DNAH12: variants seen among roughly 807,000 people sequenced by gnomAD.
DNAH12 encodes dynein axonemal heavy chain 12.
A neutral mutation model predicts 371.5 loss-of-function variants in DNAH12; 285 were observed. The ratio of observed to expected loss-of-function variants is 0.77; its 90% CI spans 0.70 to 0.85. The LOEUF is 0.85. Ranked by LOEUF, DNAH12 falls within the 40% of genes least tolerant of loss-of-function variation. The pLI is 0.00. For missense variants in DNAH12, 3,611 were observed against 3,689.4 expected (o/e 0.98, Z 0.55); for synonymous variants, 1,200 against 1,213.0 (o/e 0.99, Z 0.22).
chr3:57,423,135 C>T (rs2064644843), intron 35 of DNAH12, among the ~76,000 whole-genome samples: 1 of 152,112 alleles, frequency 6.6e-6, no homozygotes, highest in Non-Finnish European at 1.5e-5. Flanking sequence ...CATGCCTTAT[C>T]AAGTCCAAAA....
At chr3:57,490,155 A>T (rs2067068850) in intron 11 of DNAH12, among the ~76,000 whole-genome samples, 1 of 152,086 alleles carries the variant, frequency 6.6e-6, no homozygotes, top group Non-Finnish European at 1.5e-5. Flanking sequence ...ATATATAAGG[A>T]ACTTATTGGT....
chr3:57,422,222 T>C (rs1303778541), intron 35 of DNAH12, among the ~76,000 whole-genome samples: 1 of 147,688 alleles, frequency 6.8e-6, no homozygotes, highest in African/African-American at 2.6e-5. Flanking sequence ...CCAATATCTA[T>C]CAAAAAAAAT....
At chr3:57,394,686 G>A (rs1251584033) in intron 43 of DNAH12, among the ~76,000 whole-genome samples, 2 of 152,206 alleles carry the variant, frequency 1.3e-5, no homozygotes, top group African/African-American at 4.8e-5. Context: ...TAAATTACTT[G>A]GAGCTAACTG....
intron 28 of DNAH12, 58 bp from the exon 29 acceptor site, chr3:57,444,874 T>G: frequency 6.6e-7 from 1 of 1,511,106 alleles, no homozygotes; most frequent in Non-Finnish European, 8.9e-7. Flanking sequence ...CAACCCCACT[T>G]CTCCCTCCCC....
intron 4 of DNAH12, among the ~76,000 whole-genome samples, chr3:57,511,961 G>A (rs2068015427): frequency 6.6e-6 from 1 of 151,810 alleles, no homozygotes; most frequent in Non-Finnish European, 1.5e-5. Context: ...GGATCAGGAA[G>A]AAAAACATAG....
At chr3:57,428,285 A>G in intron 34 of DNAH12, 1 of 940,018 alleles carries the variant, frequency 1.1e-6, no homozygotes, top group Non-Finnish European at 1.4e-6. Flanking sequence ...AAGCTAATAC[A>G]ATATGTAAAG....
At chr3:57,355,743 T>C (rs2062783013) in intron 59 of DNAH12, among the ~76,000 whole-genome samples, 1 of 152,178 alleles carries the variant, frequency 6.6e-6, no homozygotes, top group Non-Finnish European at 1.5e-5. Context: ...ATATGGGTTG[T>C]ATAAATTCAA....
At chr3:57,320,802 C>T (rs7620664) in intron 65 of DNAH12, among the ~76,000 whole-genome samples, 2 of 151,934 alleles carry the variant, frequency 1.3e-5, no homozygotes, top group Non-Finnish European at 1.5e-5. Flanking sequence ...CTAGGGGAAT[C>T]GGATGCATAC....
intron 60 of DNAH12, 135 bp from the exon 61 acceptor site, chr3:57,335,075 AC>A (rs560541888): frequency 3.5e-4 from 323 of 933,792 alleles, no homozygotes; most frequent in Admixed American, 2.6e-4. Flanking sequence ...AGAAAACTGG[AC>A]AAAATTAATG....
intron 62 of DNAH12, among the ~76,000 whole-genome samples, chr3:57,330,982 G>C (rs1355724313): frequency 1.3e-5 from 2 of 152,024 alleles, no homozygotes; most frequent in African/African-American, 4.8e-5. Context: ...GAATAATATA[G>C]GCTTTAATTC....
chr3:57,474,838 T>C (rs967335132), intron 13 of DNAH12, among the ~76,000 whole-genome samples: 34 of 151,482 alleles, frequency 2.2e-4, no homozygotes, highest in Non-Finnish European at 4.1e-4. Flanking sequence ...TAGCTGGGCG[T>C]GGTGGCGCGT....
chr3:57,403,285 T>C (rs1213438342), intron 43 of DNAH12, 24 bp downstream of exon 43: 60 of 1,529,854 alleles, frequency 3.9e-5, no homozygotes, highest in Non-Finnish European at 5.1e-5. Flanking sequence ...TCATTTTAGA[T>C]ACTAGGCTTC....
intron 29 of DNAH12, among the ~76,000 whole-genome samples, chr3:57,441,767 C>T (rs953113138): frequency 1.3e-5 from 2 of 151,818 alleles, no homozygotes; most frequent in Admixed American, 1.3e-4. Context: ...ACTCCAGCCT[C>T]GGCAAAAGTG....
chr3:57,481,279 GACAA>G (rs1313084774), intron 13 of DNAH12, among the ~76,000 whole-genome samples: 2 of 152,168 alleles, frequency 1.3e-5, no homozygotes, highest in Admixed American at 1.3e-4. Flanking sequence ...ACCAATAACA[GACAA>G]ACAGAGAGCC....
At chr3:57,477,055 C>T (rs532524273) in intron 13 of DNAH12, among the ~76,000 whole-genome samples, 7 of 152,126 alleles carry the variant, frequency 4.6e-5, no homozygotes, top group Admixed American at 1.3e-4. Flanking sequence ...TTCATCTCAC[C>T]GGGGAGTGTC....
chr3:57,391,505 CA>C lies in DNAH12; in HGVS notation c.7305+366del, dbSNP rs1490192917. 3.9e-5 allele frequency among the ~76,000 whole-genome samples: 6 copies of C among 152,302 alleles called. No individual in the cohort carries two copies. In the East Asian group the frequency reaches 1.2e-3, roughly 29 times the overall value. On this transcript the variant is annotated intron_variant, in intron 45 of 73. Transcript: ENST00000495027. ...TTCATAATCATATGAGCCAATTCCT[CA>C]TAATAAATTTCTTTACATACAAATT...
At chr3:57,300,781 T>C (rs2107651607) in intron 70 of DNAH12, among the ~76,000 whole-genome samples, 1 of 152,226 alleles carries the variant, frequency 6.6e-6, no homozygotes, top group East Asian at 1.9e-4. Context: ...AAAGATCATA[T>C]ACCTTTGAGA....
chr3:57,345,546 A>G (rs868973611), intron 60 of DNAH12, among the ~76,000 whole-genome samples: 3 of 152,212 alleles, frequency 2.0e-5, no homozygotes, highest in Non-Finnish European at 4.4e-5. Context: ...TGCTCTTGAG[A>G]TGATGAGCAT....
chr3:57,404,828 C>A, intron 42 of DNAH12, 141 bp downstream of exon 42: 1 of 718,894 alleles, frequency 1.4e-6, no homozygotes, highest in East Asian at 3.4e-5. Flanking sequence ...AAATAAATTA[C>A]TAATATTTTA....
Sources: allele counts gnomAD v4.1 joint callset (sites outside exome capture counted in the v4.1 genomes callset), GRCh38; gene constraint gnomAD v4.1.1; transcripts MANE v1.5; gene names NCBI Gene and HGNC (gene_info 2026-07-23, HGNC 2026-07-21).